PIK3R3: variants seen among roughly 807,000 people sequenced by gnomAD.
PIK3R3 encodes phosphoinositide-3-kinase regulatory subunit 3.
PIK3R3 carries 64 observed loss-of-function variants against 62.9 expected under a neutral mutation model. That is an observed-to-expected ratio of 1.02 (90% CI 0.83 to 1.25). The LOEUF is 1.25. PIK3R3 is among the 50% of genes most tolerant of loss of function. The probability of loss-of-function intolerance (pLI) is 0.00; values close to 1 mark genes in which losing one functional copy is unlikely to be tolerated. For synonymous variants in PIK3R3, 165 were observed against 189.0 expected, an observed-to-expected ratio of 0.87 and a Z score of 1.04; for missense variants, 614 against 561.6, an observed-to-expected ratio of 1.09 and a Z score of -0.94.
the PIK3R3 span, among the ~76,000 whole-genome samples, chr1:46,174,169 G>T: frequency 6.6e-6 from 1 of 152,170 alleles, no homozygotes; most frequent in Admixed American, 6.5e-5. Flanking sequence ...GCATGTGTGT[G>T]GTTGTTGCAG....
At chr1:46,124,927 G>A (rs1407933850) in intron 1 of PIK3R3, among the ~76,000 whole-genome samples, 3 of 151,056 alleles carry the variant, frequency 2.0e-5, no homozygotes, top group Admixed American at 6.6e-5. Context: ...GTGAAACCCC[G>A]TCTCTACTTA....
At chr1:46,150,237 G>T in the PIK3R3 span, among the ~76,000 whole-genome samples, 1 of 152,078 alleles carries the variant, frequency 6.6e-6, no homozygotes, top group Non-Finnish European at 1.5e-5. Context: ...CTTCTCTGAC[G>T]CTCATTGCTG....
Position 46,043,512 on chromosome 1 carries a change from C to T in PIK3R3, c.*161G>A, listed in dbSNP as rs957204534. 3 of 634,888 alleles carry T rather than the reference C, an allele frequency of 4.7e-6. No homozygotes were observed. The highest frequency in any genetic ancestry group is 2.8e-5 in the East Asian group (1 of 36,146). 39.3% of individuals were successfully genotyped at this position (634,888 alleles called of 1,614,324 possible). ...CCTAGAGAACCTCAGGCCTCTAATG[C>T]CCCCATCCCGGCCGGCTGCTGCTCG... On this transcript the variant is annotated 3_prime_UTR_variant, in exon 10 of 10. Transcript: ENST00000262741.
At chr1:46,117,319 G>C (rs912148724) in intron 1 of PIK3R3, among the ~76,000 whole-genome samples, 5 of 152,084 alleles carry the variant, frequency 3.3e-5, no homozygotes, top group African/African-American at 4.8e-5. Context: ...TATAGTCCTA[G>C]CTACTCAGGA....
chr1:46,082,971 C>T (rs994423309), intron 1 of PIK3R3, among the ~76,000 whole-genome samples: 4 of 152,098 alleles, frequency 2.6e-5, no homozygotes, highest in Non-Finnish European at 5.9e-5. Context: ...CCCAGCTACT[C>T]GGGAGGCTGA....
At chr1:46,079,555 T>C (rs1184928688) in intron 2 of PIK3R3, among the ~76,000 whole-genome samples, 2 of 152,226 alleles carry the variant, frequency 1.3e-5, no homozygotes, top group Non-Finnish European at 2.9e-5. Flanking sequence ...TACCCACAAA[T>C]ATTTTTAATT....
chr1:46,173,058 CACCA>C, the PIK3R3 span, among the ~76,000 whole-genome samples: 2 of 152,014 alleles, frequency 1.3e-5, no homozygotes, highest in Non-Finnish European at 2.9e-5. Context: ...TATCATGGGC[CACCA>C]ATTAGTTGGA....
chr1:46,125,229 A>G (rs1221165071), intron 1 of PIK3R3, among the ~76,000 whole-genome samples: 2 of 152,240 alleles, frequency 1.3e-5, no homozygotes, highest in Non-Finnish European at 2.9e-5. Context: ...TGGATACACT[A>G]TACATTATAA....
chr1:46,141,434 C>A, the PIK3R3 span, among the ~76,000 whole-genome samples: 1 of 151,766 alleles, frequency 6.6e-6, no homozygotes, highest in African/African-American at 2.4e-5. Context: ...CCACGCCCAG[C>A]TAATTTTTGT....
chr1:46,057,615 A>G (rs1648050975), intron 6 of PIK3R3, among the ~76,000 whole-genome samples: 1 of 152,150 alleles, frequency 6.6e-6, no homozygotes, highest in Non-Finnish European at 1.5e-5. Context: ...TGTGAACTGG[A>G]GCAAAGGTGA....
chr1:46,132,449 A>G lies in PIK3R3; in HGVS notation c.-497T>C, dbSNP rs1230859611. On this transcript the variant is annotated 5_prime_UTR_variant, in exon 1 of 10. Coordinates refer to ENST00000262741, the MANE Select transcript of PIK3R3 (RefSeq NM_003629.4). ...AAGTTTCGGGGTCCCACTGGTCTGC[A>G]GAGAGCGAATCCCCCAGAGGCCGGG... 1 of 1,191,274 alleles carries G rather than the reference A, an allele frequency of 8.4e-7. No individual in the cohort carries two copies. Among genetic ancestry groups the G allele is most frequent in the Admixed American group, 3.6e-5 (1 of 27,746 alleles). 73.8% of individuals were successfully genotyped at this position (1,191,274 alleles called of 1,614,324 possible).
chr1:46,083,979 T>C (rs1650844142), intron 1 of PIK3R3, among the ~76,000 whole-genome samples: 1 of 152,200 alleles, frequency 6.6e-6, no homozygotes, highest in African/African-American at 2.4e-5. Context: ...ATGTTCATAG[T>C]AGCTTTATTT....
chr1:46,071,490 G>A (rs1309002102), intron 3 of PIK3R3, among the ~76,000 whole-genome samples: 1 of 151,304 alleles, frequency 6.6e-6, no homozygotes, highest in African/African-American at 2.4e-5. Context: ...GAGGTCAGGA[G>A]TTCAAGACCA....
intron 1 of PIK3R3, among the ~76,000 whole-genome samples, chr1:46,102,087 G>A (rs889884753): frequency 2.8e-5 from 4 of 141,638 alleles, no homozygotes; most frequent in African/African-American, 7.8e-5. Flanking sequence ...TGGGGTTCAC[G>A]CCATTCTTCT....
chr1:46,139,455 A>G, the PIK3R3 span, among the ~76,000 whole-genome samples: 1 of 152,016 alleles, frequency 6.6e-6, no homozygotes, highest in Admixed American at 6.6e-5. Flanking sequence ...ACAGGTGCCC[A>G]CCACCATGCC....
the PIK3R3 span, among the ~76,000 whole-genome samples, chr1:46,149,806 C>A: frequency 9.2e-5 from 14 of 152,192 alleles, no homozygotes; most frequent in Non-Finnish European, 1.9e-4. Flanking sequence ...GCTGGGATTA[C>A]AGGCCTAAGC....
Position 46,043,785 on chromosome 1 carries a change from A to G in PIK3R3, c.1274T>C (p.Leu425Pro). 1 of 1,614,170 alleles carries G rather than the reference A, an allele frequency of 6.2e-7. No homozygotes were observed. The highest frequency in any genetic ancestry group is 8.5e-7 in the Non-Finnish European group (1 of 1,179,998). Residue 425 changes from leucine to proline, a missense_variant, in exon 10 of 10, where the codon CTG becomes CCG. Physicochemically the swap from Leu to Pro is moderately conservative, Grantham distance 98 (BLOSUM62 -3). Transcript: ENST00000262741. The stretch of plus-strand genomic sequence containing the variant: ...CTGGTAATGGAGCACTAGCTCCTTC[A>G]GAGAGCTGTACAGGTTGTAGGGCTC... Reference protein sequence around the residue: ...FAEPYNLYSSLKELVLHYQQT... With the variant: ...FAEPYNLYSSPKELVLHYQQT...
chr1:46,047,829 G>A (rs2149375151), intron 7 of PIK3R3, among the ~76,000 whole-genome samples: 1 of 152,274 alleles, frequency 6.6e-6, no homozygotes, highest in Admixed American at 6.5e-5. Context: ...CACCTAGGCT[G>A]GAATGCAATG....
intron 3 of PIK3R3, among the ~76,000 whole-genome samples, chr1:46,072,572 A>G (rs1170302419): frequency 6.6e-6 from 1 of 152,234 alleles, no homozygotes; most frequent in East Asian, 1.9e-4. Context: ...ACTATTATTC[A>G]GCCTTAAAAG....
Sources: allele counts gnomAD v4.1 joint callset (sites outside exome capture counted in the v4.1 genomes callset), GRCh38; gene constraint gnomAD v4.1.1; transcripts MANE v1.5; gene names NCBI Gene and HGNC (gene_info 2026-07-23, HGNC 2026-07-21).